ZNF644: variants seen among roughly 807,000 people sequenced by gnomAD.
The protein encoded by ZNF644 is zinc finger protein 644.
A neutral mutation model predicts 108.0 loss-of-function variants in ZNF644; 20 were observed. The ratio of observed to expected loss-of-function variants is 0.19; its 90% confidence interval spans 0.13 to 0.27. ZNF644 has a LOEUF of 0.27. ZNF644 is among the 10% of genes least tolerant of loss of function. The probability of loss-of-function intolerance (pLI) is 1.00; values close to 1 mark genes in which losing one functional copy is unlikely to be tolerated. For synonymous variants in ZNF644, 542 were observed against 539.1 expected, an observed-to-expected ratio of 1.01 and a Z score of -0.08; for missense variants, 1,338 against 1,548.9, an observed-to-expected ratio of 0.86 and a Z score of 2.29.
intron 2 of ZNF644, among the ~76,000 whole-genome samples, chr1:90,959,288 CAGAG>C (rs1654081576): frequency 1.3e-5 from 2 of 152,084 alleles, no homozygotes; most frequent in African/African-American, 2.4e-5. Flanking sequence ...TGTAGAGAAA[CAGAG>C]ACCCTCATAC....
At chr1:90,999,679 A>C (rs1052654251) in intron 1 of ZNF644, among the ~76,000 whole-genome samples, 11 of 152,220 alleles carry the variant, frequency 7.2e-5, no homozygotes, top group African/African-American at 1.2e-4. Flanking sequence ...TCAAACTCGC[A>C]CATAACAATA....
intron 4 of ZNF644, among the ~76,000 whole-genome samples, chr1:90,923,496 T>C (rs1425495426): frequency 6.6e-6 from 1 of 152,168 alleles, no homozygotes; most frequent in Non-Finnish European, 1.5e-5. Flanking sequence ...GTTTACATTA[T>C]AAAAAGCAAT....
chr1:90,980,401 C>A (rs1164628129), intron 2 of ZNF644, among the ~76,000 whole-genome samples: 1 of 152,146 alleles, frequency 6.6e-6, no homozygotes, highest in Non-Finnish European at 1.5e-5. Context: ...ATATAATCCT[C>A]AGCATTCTGG....
intron 1 of ZNF644, chr1:91,020,695 T>G: frequency 6.6e-6 from 1 of 152,252 alleles, no homozygotes; most frequent in South Asian, 2.1e-4. Context: ...TAGTTGTCTA[T>G]TTTTTGAAAT....
intron 2 of ZNF644, among the ~76,000 whole-genome samples, chr1:90,978,006 C>T (rs185468889): frequency 1.3e-5 from 2 of 152,096 alleles, no homozygotes; most frequent in African/African-American, 4.8e-5. Flanking sequence ...CATTGCTGTA[C>T]TATTTGCTCA....
chr1:90,985,850 T>C (rs987432298), intron 1 of ZNF644, among the ~76,000 whole-genome samples: 12 of 152,208 alleles, frequency 7.9e-5, no homozygotes, highest in Admixed American at 5.2e-4. Context: ...ATGGTAATTC[T>C]ATTTTTAGTT....
chr1:91,019,812 G>A (rs1446723267), intron 1 of ZNF644, among the ~76,000 whole-genome samples: 4 of 152,144 alleles, frequency 2.6e-5, no homozygotes, highest in African/African-American at 9.7e-5. Context: ...TGATCTGCTC[G>A]CCTCAGCCTC....
chr1:90,968,614 T>C (rs1655160363), intron 2 of ZNF644, among the ~76,000 whole-genome samples: 1 of 152,180 alleles, frequency 6.6e-6, no homozygotes, highest in Non-Finnish European at 1.5e-5. Context: ...AACTGTGTAA[T>C]TTTAACAGAC....
chr1:90,958,449 C>T (rs1319649510), intron 2 of ZNF644, among the ~76,000 whole-genome samples: 3 of 151,920 alleles, frequency 2.0e-5, no homozygotes, highest in Non-Finnish European at 4.4e-5. Context: ...ATTCTAAAGG[C>T]CTTTTTGCAG....
At chr1:90,936,965 A>C (rs931023897) in intron 4 of ZNF644, among the ~76,000 whole-genome samples, 1 of 152,134 alleles carries the variant, frequency 6.6e-6, no homozygotes, top group Non-Finnish European at 1.5e-5. Flanking sequence ...GGAGAGGGAG[A>C]TGTTTCTTTG....
intron 1 of ZNF644, among the ~76,000 whole-genome samples, chr1:91,013,340 T>C (rs890950376): frequency 3.9e-5 from 6 of 152,184 alleles, no homozygotes; most frequent in Admixed American, 2.0e-4. Flanking sequence ...CCTCCCATAG[T>C]GCTGGGACTA....
chr1:90,968,706 A>G (rs905673788), intron 2 of ZNF644, among the ~76,000 whole-genome samples: 3 of 152,210 alleles, frequency 2.0e-5, no homozygotes, highest in Non-Finnish European at 4.4e-5. Context: ...ACTTTGTATA[A>G]TAGATGACAT....
chr1:90,926,823 T>C (rs1650090302), intron 4 of ZNF644, among the ~76,000 whole-genome samples: 1 of 152,190 alleles, frequency 6.6e-6, no homozygotes, highest in Admixed American at 6.5e-5. Context: ...TAAAATGATC[T>C]ACCCTGCAAT....
Position 90,940,732 on chromosome 1 carries a change from C to A in ZNF644, c.622G>T (p.Val208Leu), listed in dbSNP as rs756112361. The change falls in exon 3 of 6, where the codon GTA becomes TTA. Residue 208 changes from valine (V) to leucine (L), a missense_variant. By Grantham distance (32) the Val-to-Leu change is conservative. Transcript: ENST00000337393. ...ASVGCDIQNSVGSNIKSDGTL... is the reference protein window; with the variant it reads ...ASVGCDIQNSLGSNIKSDGTL... ...CCATCTGACTTTATATTACTCCCTA[C>A]TGAATTCTGAATGTCACAACCAACT... The A allele has an allele frequency of 6.2e-7, 1 of 1,614,076 alleles. No homozygotes were observed. The highest frequency in any genetic ancestry group is 1.7e-5 in the Admixed American group (1 of 60,022).
In ZNF644 at chr1:90,941,196, T is replaced by G; in HGVS notation, c.158A>C (p.Glu53Ala). Residue 53 changes from glutamate (E) to alanine (A), a missense_variant, in exon 3 of 6, where the codon GAG (glutamate) becomes GCG (alanine). Glu to Ala is a moderately radical substitution (Grantham distance 107, BLOSUM62 -1). This residue lies in a region of ZNF644 where 464 missense variants were observed against 457.9 expected (regional missense o/e 1.01). Transcript: ENST00000337393. ...LDDNNFISDKESGVHKPKDCQ... is the reference protein window; with the variant it reads ...LDDNNFISDKASGVHKPKDCQ... ...ATCTTTTGGCTTATGAACTCCGCTCTCTTTGTCTGAGATAAAATTGTTGTC... is the reference window on the plus strand; with the variant it reads ...ATCTTTTGGCTTATGAACTCCGCTCGCTTTGTCTGAGATAAAATTGTTGTC... The G allele has an allele frequency of 6.2e-7, 1 of 1,608,460 alleles. No individual in the cohort carries two copies. The highest frequency in any genetic ancestry group is 8.5e-7 in the Non-Finnish European group (1 of 1,178,150).
chr1:90,918,591 T>TTTGATTA (rs1223491362), intron 4 of ZNF644, among the ~76,000 whole-genome samples: 3 of 152,312 alleles, frequency 2.0e-5, no homozygotes, highest in African/African-American at 7.2e-5. Context: ...TAAGTTTGCA[T>TTTGATTA]TTGATTACTG....
At chr1:90,967,620 T>C (rs1480865432) in intron 2 of ZNF644, among the ~76,000 whole-genome samples, 1 of 152,116 alleles carries the variant, frequency 6.6e-6, no homozygotes, top group Non-Finnish European at 1.5e-5. Flanking sequence ...TATAAATGAA[T>C]AAAGCCCTGA....
Position 90,938,241 on chromosome 1 carries a change from T to C in ZNF644, c.3082+31A>G, listed in dbSNP as rs1479935552. On this transcript the variant is annotated intron_variant, in intron 3 of 5. Coordinates refer to ENST00000337393, the MANE Select transcript of ZNF644 (RefSeq NM_201269.3). The surrounding 1 kb of genome is among the most constrained non-coding windows in gnomAD (Gnocchi z 4.2). Reference sequence around the variant, plus strand: ...TCTTCAGAATTAGAACACAGACCTATCAGCCCAAATCATCCCCATGGAGAA... The same window carrying C: ...TCTTCAGAATTAGAACACAGACCTACCAGCCCAAATCATCCCCATGGAGAA... The C allele has an allele frequency of 1.2e-6, 2 of 1,613,928 alleles. No individual in the cohort carries two copies. Among genetic ancestry groups the C allele is most frequent in the Non-Finnish European group, 1.7e-6 (2 of 1,179,832 alleles).
At chr1:90,975,520 C>T (rs1022570606) in intron 2 of ZNF644, among the ~76,000 whole-genome samples, 12 of 151,844 alleles carry the variant, frequency 7.9e-5, no homozygotes, top group Non-Finnish European at 1.5e-4. Flanking sequence ...TCACTGCAAC[C>T]TCTGCCTCCT....
Sources: gnomAD v4.1 joint callset for allele counts (sites outside exome capture counted in the v4.1 genomes callset) on GRCh38, gnomAD v4.1.1 for gene constraint, gnomAD v4.1.1 regional missense constraint, Gnocchi (gnomAD v3.1) non-coding constraint, MANE v1.5 for transcripts, NCBI Gene and HGNC (gene_info 2026-07-23, HGNC 2026-07-21) for gene names.